Variants in CDKAL1 observed in about 807,000 individuals in gnomAD.
The protein encoded by CDKAL1 is CDKAL1 threonylcarbamoyladenosine tRNA methylthiotransferase.
In CDKAL1, 32 loss-of-function variants were observed where a neutral mutation model predicts 68.2. The observed-to-expected ratio is 0.47, with a 90% CI of 0.35 to 0.63. The LOEUF (loss-of-function observed/expected upper bound fraction) is 0.63. Ranked by LOEUF, CDKAL1 falls within the 30% of genes least tolerant of loss-of-function variation. CDKAL1 has a pLI of 0.00. For missense variants in CDKAL1, 606 were observed against 696.7 expected (o/e 0.87, Z 1.47); for synonymous variants, 234 against 244.3 (o/e 0.96, Z 0.39).
At chr6:20,580,095 C>T (rs1765078985) in intron 4 of CDKAL1, among the ~76,000 whole-genome samples, 1 of 152,100 alleles carries the variant, frequency 6.6e-6, no homozygotes, top group African/African-American at 2.4e-5. Context: ...TAGGGACGGT[C>T]TGTGAATGTA....
chr6:20,901,699 A>AAAAG (rs1554137986), intron 9 of CDKAL1, among the ~76,000 whole-genome samples: 21,285 of 76,006 alleles, frequency 0.28, 2,990 homozygotes, highest in African/African-American at 0.38. Flanking sequence ...AAAAAAAAAA[A>AAAAG]AAAAGAAAAG....
intron 9 of CDKAL1, 150 bp downstream of exon 9, chr6:20,846,328 A>G (rs1415006672): frequency 1.0e-5 from 6 of 576,272 alleles, no homozygotes; most frequent in Non-Finnish European, 1.8e-5. Flanking sequence ...ATGTGACCAG[A>G]GTTAATCACT....
chr6:21,220,924 T>C (rs1317414779), intron 15 of CDKAL1, among the ~76,000 whole-genome samples: 3 of 152,098 alleles, frequency 2.0e-5, no homozygotes, highest in African/African-American at 7.2e-5. Context: ...CCCAGCACTT[T>C]GGGAGGCCGA....
intron 4 of CDKAL1, among the ~76,000 whole-genome samples, chr6:20,574,982 C>T (rs1764851728): frequency 6.6e-6 from 1 of 151,892 alleles, no homozygotes; most frequent in African/African-American, 2.4e-5. Context: ...CAAATGCATC[C>T]TCCTCATTTA....
At chr6:20,712,681 G>A (rs1006477615) in intron 5 of CDKAL1, among the ~76,000 whole-genome samples, 2 of 151,478 alleles carry the variant, frequency 1.3e-5, no homozygotes, top group Non-Finnish European at 2.9e-5. Flanking sequence ...GTCTCACTCT[G>A]TCGCCCATGC....
chr6:20,922,787 G>C (rs1440408224), intron 9 of CDKAL1, among the ~76,000 whole-genome samples: 2 of 152,072 alleles, frequency 1.3e-5, no homozygotes, highest in Non-Finnish European at 2.9e-5. Context: ...ATTGCAAAAA[G>C]TTTGTTTTAA....
chr6:21,177,355 C>T (rs1038619519), intron 13 of CDKAL1, among the ~76,000 whole-genome samples: 6 of 152,078 alleles, frequency 3.9e-5, no homozygotes, highest in Non-Finnish European at 8.8e-5. Flanking sequence ...ACTCCCCATC[C>T]GCCCTTACAC....
intron 8 of CDKAL1, 54 bp downstream of exon 8, chr6:20,781,319 G>T (rs1775420866): frequency 6.8e-7 from 1 of 1,463,344 alleles, no homozygotes. Flanking sequence ...CATGAATTCA[G>T]TTTTTTTTTC....
chr6:21,219,471 A>T (rs1303996828), intron 15 of CDKAL1, among the ~76,000 whole-genome samples: 3 of 152,238 alleles, frequency 2.0e-5, no homozygotes, highest in Non-Finnish European at 4.4e-5. Context: ...ACCCACAAAT[A>T]TGGAGGACCA....
At chr6:20,576,481 A>G (rs1190605771) in intron 4 of CDKAL1, among the ~76,000 whole-genome samples, 5 of 152,240 alleles carry the variant, frequency 3.3e-5, no homozygotes, top group Non-Finnish European at 7.3e-5. Flanking sequence ...TCAGGTATGA[A>G]GTATAATAAA....
At position 20,540,069 on chromosome 6, in the gene CDKAL1, G is replaced by A. The variant is rs547445356; in HGVS notation, c.-6+4675G>A. ...TTTTTGGCCTGAGCAGTAGAAGATTGGGATTGTCTTTTTTTTTTTTTTGAG... is the reference window on the plus strand; with the variant it reads ...TTTTTGGCCTGAGCAGTAGAAGATTAGGATTGTCTTTTTTTTTTTTTTGAG... On this transcript the variant is annotated intron_variant, in intron 2 of 15. Transcript: ENST00000274695. Among the ~76,000 whole-genome samples the A allele has an allele frequency of 8.8e-5, 11 of 124,628 alleles. No homozygotes were observed. The East Asian group carries it at 2.1e-3, about 24-fold the overall frequency. The allele number at this position is 124,628 out of a possible 152,430, so 81.8% of individuals were successfully genotyped here.
At chr6:20,688,882 T>G (rs1055175064) in intron 5 of CDKAL1, among the ~76,000 whole-genome samples, 22 of 152,194 alleles carry the variant, frequency 1.4e-4, no homozygotes, top group Admixed American at 3.9e-4. Flanking sequence ...TGATGTGGTA[T>G]TAAGGTGTTG....
rs948014738 is a variant in CDKAL1 at position 20,924,024 on chromosome 6, A to G, written c.743-31395A>G. 2.0e-5 allele frequency among the ~76,000 whole-genome samples: 3 copies of G among 151,262 alleles called. No homozygotes were observed. In the East Asian group the frequency reaches 5.8e-4, roughly 29 times the overall value. On this transcript the variant is annotated intron_variant, in intron 9 of 15. Transcript: ENST00000274695. Reference sequence around the variant, plus strand: ...AAGACCCTGTCTCTAGAAATGATTAAGCTTAGTAAGGAAGGCGTGTCAAAA... The same window carrying G: ...AAGACCCTGTCTCTAGAAATGATTAGGCTTAGTAAGGAAGGCGTGTCAAAA...
intron 7 of CDKAL1, among the ~76,000 whole-genome samples, chr6:20,767,688 A>G (rs989636821): frequency 1.3e-5 from 2 of 152,156 alleles, no homozygotes; most frequent in Non-Finnish European, 2.9e-5. Flanking sequence ...TTCTTAGAAA[A>G]CCTAATATTG....
At chr6:21,020,909 G>A (rs1768627748) in intron 11 of CDKAL1, among the ~76,000 whole-genome samples, 1 of 151,592 alleles carries the variant, frequency 6.6e-6, no homozygotes, top group Admixed American at 6.6e-5. Context: ...GTGTGCCACG[G>A]TACCTGACAC....
chr6:20,900,370 A>G (rs1280128905), intron 9 of CDKAL1, among the ~76,000 whole-genome samples: 2 of 152,226 alleles, frequency 1.3e-5, no homozygotes, highest in Admixed American at 6.5e-5. Flanking sequence ...CTGTAGTGAA[A>G]TATGTCAGTG....
At chr6:20,745,746 CTAA>C (rs1225338481) in intron 6 of CDKAL1, among the ~76,000 whole-genome samples, 1 of 152,078 alleles carries the variant, frequency 6.6e-6, no homozygotes, top group Non-Finnish European at 1.5e-5. Context: ...CAAAAAAAAT[CTAA>C]TAATGTTTTA....
chr6:20,543,558 A>G (rs1445161470), intron 2 of CDKAL1, among the ~76,000 whole-genome samples: 1 of 152,084 alleles, frequency 6.6e-6, no homozygotes, highest in Non-Finnish European at 1.5e-5. Context: ...CAGCCTCTTA[A>G]TAGGGTCTTT....
chr6:21,186,348 T>C (rs922559516), intron 13 of CDKAL1, among the ~76,000 whole-genome samples: 4 of 152,206 alleles, frequency 2.6e-5, no homozygotes, highest in African/African-American at 9.7e-5. Context: ...ATGTAAGATT[T>C]ATCTTACCAA....
Sources: allele counts gnomAD v4.1 joint callset (sites outside exome capture counted in the v4.1 genomes callset), GRCh38; gene constraint gnomAD v4.1.1; transcripts MANE v1.5; gene names NCBI Gene and HGNC (gene_info 2026-07-23, HGNC 2026-07-21).